Variants in KIF13A observed in about 807,000 individuals in gnomAD.
KIF13A encodes the protein kinesin-like protein KIF13A.
A neutral mutation model predicts 212.2 loss-of-function variants in KIF13A; 79 were observed. That is an observed-to-expected ratio of 0.37 (90% confidence interval 0.31 to 0.45). KIF13A has a LOEUF of 0.45. KIF13A is among the 20% of genes least tolerant of loss of function. KIF13A has a pLI of 1.00. For synonymous variants in KIF13A, 789 were observed against 808.6 expected (o/e 0.98, Z 0.41); for missense variants, 1,901 against 2,209.0 (o/e 0.86, Z 2.79).
Position 17,773,691 on chromosome 6 carries a change from C to T in KIF13A, c.4219-108G>A, listed in dbSNP as rs983250601. ...TTTTTTAATGGCAGCATATGCTCTT[C>T]TTTATTTTTATTATGATTTATTTCA... On this transcript the variant is annotated intron_variant, in intron 35 of 38. Transcript: ENST00000259711. This position sits in a 1 kb window ranked among gnomAD's most constrained non-coding sequence, Gnocchi z 4.2. 3.4e-5 allele frequency: 18 copies of T among 524,822 alleles called. No individual in the cohort carries two copies. The highest frequency in any genetic ancestry group is 5.4e-5 in the Non-Finnish European group (16 of 296,626). 32.5% of individuals were successfully genotyped at this position (524,822 alleles called of 1,614,324 possible). A position where few individuals can be genotyped will look rare whatever the true frequency, so the allele number is the denominator to read the frequency against.
intron 2 of KIF13A, among the ~76,000 whole-genome samples, chr6:17,977,438 T>C (rs1780670301): frequency 6.6e-6 from 1 of 152,202 alleles, no homozygotes; most frequent in Admixed American, 6.5e-5. Context: ...CACTAAAATG[T>C]TTCATGAAGA....
At chr6:17,932,063 T>C (rs1776032145) in intron 2 of KIF13A, among the ~76,000 whole-genome samples, 1 of 152,000 alleles carries the variant, frequency 6.6e-6, no homozygotes, top group African/African-American at 2.4e-5. Flanking sequence ...AATAAGAAAC[T>C]CTAGGGGAAG....
intron 20 of KIF13A, among the ~76,000 whole-genome samples, chr6:17,800,555 G>A (rs1342837612): frequency 6.6e-6 from 1 of 150,948 alleles, no homozygotes; most frequent in Non-Finnish European, 1.5e-5. Context: ...TCCTGCCTCA[G>A]CCTTCTGAGT....
intron 2 of KIF13A, among the ~76,000 whole-genome samples, chr6:17,924,424 T>A (rs1775324703): frequency 6.6e-6 from 1 of 152,188 alleles, no homozygotes; most frequent in Admixed American, 6.5e-5. Context: ...AATGTATTAG[T>A]GTGTTTGATG....
At chr6:17,985,915 T>A (rs1263014163) in intron 2 of KIF13A, among the ~76,000 whole-genome samples, 1 of 152,204 alleles carries the variant, frequency 6.6e-6, no homozygotes, top group African/African-American at 2.4e-5. Flanking sequence ...GCAAACTGGA[T>A]AAAAACTGCT....
At chr6:17,956,049 G>A (rs945947366) in intron 2 of KIF13A, among the ~76,000 whole-genome samples, 1 of 152,172 alleles carries the variant, frequency 6.6e-6, no homozygotes, top group Non-Finnish European at 1.5e-5. Context: ...AGCATTTTGA[G>A]TGTGAACAGC....
chr6:17,986,316 G>A (rs1003509), intron 2 of KIF13A, among the ~76,000 whole-genome samples: 144,422 of 152,324 alleles, frequency 0.95, 68,510 homozygotes, highest in African/African-American at 0.97. Context: ...ATTTTGGGGC[G>A]TTAACCCATA....
chr6:17,868,735 G>A (rs778904877), intron 4 of KIF13A, among the ~76,000 whole-genome samples: 6 of 151,506 alleles, frequency 4.0e-5, no homozygotes, highest in African/African-American at 9.7e-5. Flanking sequence ...GGGCACAGTC[G>A]CTCATGCCTG....
At position 17,831,083 on chromosome 6, in the gene KIF13A, A is replaced by G; in HGVS notation, c.1401+18T>C. On this transcript the variant is annotated intron_variant, in intron 13 of 38. Transcript: ENST00000259711. The stretch of plus-strand genomic sequence containing the variant: ...AGGAATGAATCTTGATTGCATATGT[A>G]TTTATATGTTCTCCTACCTTTAAAT... 1 of 1,605,260 alleles carries G rather than the reference A, an allele frequency of 6.2e-7. No individual in the cohort carries two copies. The highest frequency in any genetic ancestry group is 8.5e-7 in the Non-Finnish European group (1 of 1,175,910).
At chr6:17,958,579 C>T (rs1778545846) in intron 2 of KIF13A, among the ~76,000 whole-genome samples, 1 of 152,176 alleles carries the variant, frequency 6.6e-6, no homozygotes, top group African/African-American at 2.4e-5. Flanking sequence ...TGAATTGTGA[C>T]ACGCAAAGAC....
chr6:17,903,613 G>C (rs1393009807), intron 2 of KIF13A, among the ~76,000 whole-genome samples: 3 of 152,152 alleles, frequency 2.0e-5, no homozygotes, highest in Non-Finnish European at 4.4e-5. Flanking sequence ...TCACAGAACA[G>C]AGCGATCAAA....
chr6:17,987,477 GC>G lies in KIF13A; in HGVS notation c.-15del. On this transcript the variant is annotated 5_prime_UTR_variant, in exon 1 of 39. Coordinates refer to ENST00000259711, the MANE Select transcript of KIF13A (RefSeq NM_022113.6). The surrounding 1 kb of genome is among the most constrained non-coding windows in gnomAD (Gnocchi z 7.7). ...GGTATCCGACATGTTGGCTGCGCTC[GC>G]CCGGCCGCTCGCCGCGCCCGCTCGG... The G allele has an allele frequency of 8.0e-7, 1 of 1,255,988 alleles. No homozygotes were observed. Among genetic ancestry groups the G allele is most frequent in the Non-Finnish European group, 1.0e-6 (1 of 960,626 alleles). The allele number at this position is 1,255,988 out of a possible 1,614,324, so 77.8% of individuals were successfully genotyped here. A position where few individuals can be genotyped will look rare whatever the true frequency, so the allele number is the denominator to read the frequency against.
In KIF13A at chr6:17,826,100, C is replaced by G. The variant is rs1435270488; in HGVS notation, c.1557G>C (p.Val519=). Residue 519 remains valine, a synonymous_variant, in exon 15 of 39, where the codon GTG becomes GTC. Transcript: ENST00000259711. This position sits in a 1 kb window ranked among gnomAD's most constrained non-coding sequence, Gnocchi z 4.7. ...CATGCCACAGCTGGGTGGTACTGCA[C>G]ACAAGGGTGCCGTTCACACAGGACC... ...NARSCVNGTL[V]CSTTQLWHGD... 3 of 1,613,866 alleles carry G rather than the reference C, an allele frequency of 1.9e-6. No individual in the cohort carries two copies. The African/African-American group carries it at 4.0e-5, about 22-fold the overall frequency.
chr6:17,956,269 A>G (rs1464722237), intron 2 of KIF13A, among the ~76,000 whole-genome samples: 2 of 152,234 alleles, frequency 1.3e-5, no homozygotes, highest in Non-Finnish European at 2.9e-5. Flanking sequence ...ATCTGGCTCC[A>G]GAGTCTGTGC....
chr6:17,893,630 T>A (rs1466707496), intron 3 of KIF13A, among the ~76,000 whole-genome samples: 1 of 152,124 alleles, frequency 6.6e-6, no homozygotes, highest in Non-Finnish European at 1.5e-5. Context: ...ACAATATAAG[T>A]GGTTAGATCA....
chr6:17,891,884 C>A (rs1269798360), intron 3 of KIF13A, among the ~76,000 whole-genome samples: 1 of 152,194 alleles, frequency 6.6e-6, no homozygotes. Context: ...TCTTCCTCCT[C>A]TTTTCATTCT....
chr6:17,814,119 A>AT (rs1217354226), intron 17 of KIF13A, among the ~76,000 whole-genome samples: 3 of 151,220 alleles, frequency 2.0e-5, no homozygotes, highest in East Asian at 1.9e-4. Flanking sequence ...CGCCCGGCTA[A>AT]TTTTTGTATT....
At position 17,817,079 on chromosome 6, in the gene KIF13A, G is replaced by C; in HGVS notation, c.1941C>G (p.Asp647Glu). The C allele has an allele frequency of 6.2e-7, 1 of 1,613,762 alleles. No homozygotes were observed. The highest frequency in any genetic ancestry group is 1.1e-5 in the South Asian group (1 of 91,084). ...CTGTCTGGCTGCTGTAGGCCAGGCG[G>C]TCAGGGCCGCTACTCTGTGGCTGCC... is the stretch of plus-strand genomic sequence containing the variant. ...PDRQPQSSGPDRLAYSSQTAQ... is the reference protein window; with the variant it reads ...PDRQPQSSGPERLAYSSQTAQ... The change falls in exon 17 of 39, where the codon GAC becomes GAG. Residue 647 changes from aspartate (D) to glutamate (E), a missense_variant. Asp to Glu is a conservative substitution (Grantham distance 45, BLOSUM62 2). This residue lies in a region of KIF13A where 534 missense variants were observed against 536.9 expected (regional missense o/e 0.99). Transcript: ENST00000259711.
At chr6:17,880,345 GGCCAGGC>G (rs1345051618) in intron 3 of KIF13A, among the ~76,000 whole-genome samples, 2 of 151,882 alleles carry the variant, frequency 1.3e-5, no homozygotes, top group Non-Finnish European at 2.9e-5. Context: ...CTTCTAATTG[GGCCAGGC>G]TCAGTGGCTC....
Sources: allele counts gnomAD v4.1 joint callset (sites outside exome capture counted in the v4.1 genomes callset), GRCh38; gene constraint gnomAD v4.1.1; regional missense constraint gnomAD v4.1.1; non-coding constraint Gnocchi (gnomAD v3.1); transcripts MANE v1.5; gene names NCBI Gene and HGNC (gene_info 2026-07-23, HGNC 2026-07-21).